The following MYO3A variants were observed in gnomAD, a reference collection of about 807,000 sequenced individuals.
MYO3A encodes myosin-IIIa.
A neutral mutation model predicts 192.7 loss-of-function variants in MYO3A; 180 were observed. The ratio of observed to expected loss-of-function variants is 0.93; its 90% CI spans 0.83 to 1.06. The LOEUF is 1.06. MYO3A is among the 50% of genes least tolerant of loss of function. The probability of loss-of-function intolerance (pLI) is 0.00; values close to 1 mark genes in which losing one functional copy is unlikely to be tolerated. For synonymous variants in MYO3A, 628 were observed against 645.3 expected, an observed-to-expected ratio of 0.97 and a Z score of 0.41; for missense variants, 1,896 against 1,905.0, an observed-to-expected ratio of 1.00 and a Z score of 0.09.
chr10:26,199,415 C>T lies in MYO3A; in HGVS notation c.4546-1850C>T, dbSNP rs936408088. On this transcript the variant is annotated intron_variant, in intron 32 of 34. Coordinates refer to ENST00000642920, the MANE Select transcript of MYO3A (RefSeq NM_017433.5). Reference sequence around the variant, plus strand: ...AAAAACTACAAAAATTACCTGGGCACGATGGGTCATGACTATAGTCCCAGC... The same window carrying T: ...AAAAACTACAAAAATTACCTGGGCATGATGGGTCATGACTATAGTCCCAGC... 6.6e-5 allele frequency among the ~76,000 whole-genome samples: 10 copies of T among 151,810 alleles called. No homozygotes were observed. In the East Asian group the frequency reaches 1.7e-3, roughly 27 times the overall value.
rs775073016 is a variant in MYO3A at position 26,170,504 on chromosome 10, G to A, written c.3363G>A (p.Gln1121=). The change falls in exon 29 of 35, where the codon CAG becomes CAA. Residue 1121 remains glutamine, a synonymous_variant. Transcript: ENST00000642920. ...TAACAACCATTCAAACTTCTGATCA[G>A]GAATTCGACTACAAGAAAAACTTTG... ...TAVTTIQTSD[Q]EFDYKKNFEN... 1 of 1,612,916 alleles carries A rather than the reference G, an allele frequency of 6.2e-7. No homozygotes were observed. Among genetic ancestry groups the A allele is most frequent in the South Asian group, 1.1e-5 (1 of 90,992 alleles).
At chr10:26,100,668 A>C (rs1837384174) in intron 17 of MYO3A, among the ~76,000 whole-genome samples, 1 of 152,204 alleles carries the variant, frequency 6.6e-6, no homozygotes, top group African/African-American at 2.4e-5. Context: ...GTAGTCATTC[A>C]GGAGCAGGTT....
chr10:25,941,237 G>A (rs1014328275), intron 2 of MYO3A, among the ~76,000 whole-genome samples: 3 of 152,146 alleles, frequency 2.0e-5, no homozygotes, highest in African/African-American at 7.2e-5. Context: ...CCCAGAATCC[G>A]AGGCTATCTA....
In MYO3A at chr10:26,202,964, T is replaced by A; in HGVS notation, c.4587T>A (p.Ser1529Arg). ...QEEKRRPRKD[S>R]QGKLLDLEDF... ...GGTGTGTTTATGTGTTCATTTACAG[T>A]CAGGGAAAATTATTAGATTTGGAAG... Residue 1529 changes from serine to arginine, a missense_variant and splice_region_variant, in exon 34 of 35, where the codon AGT (serine) becomes AGA (arginine). Ser to Arg is a moderately radical substitution (Grantham distance 110). Coordinates refer to ENST00000642920, the MANE Select transcript of MYO3A (RefSeq NM_017433.5). The A allele has an allele frequency of 6.2e-7, 1 of 1,613,558 alleles. No individual in the cohort carries two copies. Among genetic ancestry groups the A allele is most frequent in the East Asian group, 2.2e-5 (1 of 44,790 alleles).
intron 14 of MYO3A, among the ~76,000 whole-genome samples, chr10:26,086,600 G>A (rs931123348): frequency 6.6e-6 from 1 of 151,942 alleles, no homozygotes; most frequent in Non-Finnish European, 1.5e-5. Flanking sequence ...TGACCCTTTC[G>A]GGAGTGGAAG....
At chr10:26,073,058 A>G (rs993813825) in intron 14 of MYO3A, among the ~76,000 whole-genome samples, 3 of 151,676 alleles carry the variant, frequency 2.0e-5, no homozygotes, top group Admixed American at 6.6e-5. Flanking sequence ...CAAGACCTCT[A>G]TGAAAAAATT....
At chr10:25,965,077 T>G (rs1838175733) in intron 4 of MYO3A, among the ~76,000 whole-genome samples, 1 of 152,128 alleles carries the variant, frequency 6.6e-6, no homozygotes, top group African/African-American at 2.4e-5. Flanking sequence ...TGCCTTGAGG[T>G]AGTCTTCTTT....
chr10:26,149,196 T>C (rs1840644914), intron 23 of MYO3A, among the ~76,000 whole-genome samples: 1 of 151,222 alleles, frequency 6.6e-6, no homozygotes, highest in Admixed American at 6.6e-5. Flanking sequence ...TCCTGAATGG[T>C]TTTTTTTGTT....
intron 17 of MYO3A, among the ~76,000 whole-genome samples, chr10:26,120,087 C>G (rs1457519406): frequency 6.6e-6 from 1 of 151,972 alleles, no homozygotes; most frequent in Non-Finnish European, 1.5e-5. Flanking sequence ...TCACTTCAGC[C>G]CAGGAGGCAG....
chr10:26,145,457 G>A lies in MYO3A; in HGVS notation c.2428G>A (p.Gly810Ser). The part of the protein sequence containing the change: ...TDQTLVEKFE[G>S]NLKSQYFWRP... Reference sequence around the variant, plus strand: ...GTATTTTTCTACAGAAAAATTTGAAGGTAACCTGAAATCACAATACTTCTG... The same window carrying A: ...GTATTTTTCTACAGAAAAATTTGAAAGTAACCTGAAATCACAATACTTCTG... Residue 810 changes from glycine to serine, a missense_variant, in exon 22 of 35, where the codon GGT (glycine) becomes AGT (serine). Coordinates refer to ENST00000642920, the MANE Select transcript of MYO3A (RefSeq NM_017433.5). 1 of 1,603,018 alleles carries A rather than the reference G, an allele frequency of 6.2e-7. No individual in the cohort carries two copies. Among genetic ancestry groups the A allele is most frequent in the Non-Finnish European group, 8.5e-7 (1 of 1,170,114 alleles).
chr10:26,120,807 G>C lies in MYO3A; in HGVS notation c.1903+5G>C. 6.2e-7 allele frequency: 1 copy of C among 1,613,930 alleles called. No homozygotes were observed. The highest frequency in any genetic ancestry group is 8.5e-7 in the Non-Finnish European group (1 of 1,179,928). Reference sequence around the variant, plus strand: ...ATCATACAGCCCTGGAGAACTGTAAGTTTTATTACCTTCTATTCAAAACTG... The same window carrying C: ...ATCATACAGCCCTGGAGAACTGTAACTTTTATTACCTTCTATTCAAAACTG... On this transcript the variant is annotated splice_donor_5th_base_variant and intron_variant, in intron 18 of 34. Transcript: ENST00000642920.
chr10:26,072,040 ACCCT>A (rs1835237827), intron 14 of MYO3A, among the ~76,000 whole-genome samples: 1 of 43,390 alleles, frequency 2.3e-5, no homozygotes, highest in Non-Finnish European at 7.4e-5. Flanking sequence ...GCAAGCAAGG[ACCCT>A]CTTCACATGG....
intron 8 of MYO3A, chr10:26,022,568 C>T (rs537517564): frequency 1.3e-5 from 2 of 152,238 alleles, no homozygotes; most frequent in South Asian, 2.1e-4. Flanking sequence ...TCATCCTTTA[C>T]ATACTGCTTA....
intron 31 of MYO3A, among the ~76,000 whole-genome samples, chr10:26,184,286 G>A (rs1372547609): frequency 1.3e-5 from 2 of 152,154 alleles, no homozygotes; most frequent in Non-Finnish European, 2.9e-5. Flanking sequence ...GAGTGAGTCT[G>A]CCTTTAACAT....
chr10:26,167,348 T>C (rs371929933), intron 27 of MYO3A, among the ~76,000 whole-genome samples: 1 of 152,184 alleles, frequency 6.6e-6, no homozygotes, highest in African/African-American at 2.4e-5. Context: ...CAGTAATCCA[T>C]ATTTACTTTA....
chr10:26,000,848 T>G (rs1588742334), intron 6 of MYO3A, among the ~76,000 whole-genome samples: 2 of 152,154 alleles, frequency 1.3e-5, no homozygotes, highest in East Asian at 3.9e-4. Flanking sequence ...GAAAAGAGAT[T>G]TGATTGACTC....
intron 31 of MYO3A, among the ~76,000 whole-genome samples, chr10:26,182,963 T>G (rs1589095152): frequency 2.9e-5 from 2 of 68,952 alleles, no homozygotes; most frequent in Non-Finnish European, 7.1e-5. Context: ...ACCAGGCAGG[T>G]GTGTGTGTAA....
At chr10:26,120,834 A>T in intron 18 of MYO3A, 32 bp downstream of exon 18, 1 of 1,610,998 alleles carries the variant, frequency 6.2e-7, no homozygotes, top group South Asian at 1.1e-5. Flanking sequence ...TCAAAACTGA[A>T]ATCTTTCAAA....
chr10:26,155,848 A>G (rs1343896369), intron 25 of MYO3A, among the ~76,000 whole-genome samples: 1 of 152,210 alleles, frequency 6.6e-6, no homozygotes, highest in Non-Finnish European at 1.5e-5. Context: ...ACCCAACACC[A>G]TTATCATACC....
Sources: allele counts gnomAD v4.1 joint callset (sites outside exome capture counted in the v4.1 genomes callset), GRCh38; gene constraint gnomAD v4.1.1; transcripts MANE v1.5; gene names NCBI Gene and HGNC (gene_info 2026-07-23, HGNC 2026-07-21).